The following CDK8 variants were observed in gnomAD, a reference collection of about 807,000 sequenced individuals.
CDK8 encodes the protein cyclin-dependent kinase 8.
Under a neutral mutation model 71.5 loss-of-function variants are expected in CDK8, and 29 were observed. The ratio of observed to expected loss-of-function variants is 0.41; its 90% CI spans 0.30 to 0.55. CDK8 has a LOEUF of 0.55. CDK8 is among the 20% of genes least tolerant of loss of function. The pLI is 0.37. For synonymous variants in CDK8, 161 were observed against 192.1 expected (o/e 0.84, Z 1.34); for missense variants, 288 against 572.6 (o/e 0.50, Z 5.07).
chr13:26,367,483 G>A (rs568505019), intron 4 of CDK8, among the ~76,000 whole-genome samples: 245 of 152,028 alleles, frequency 1.6e-3, no homozygotes, highest in African/African-American at 5.7e-3. Context: ...CCACTTAATT[G>A]TGTTACCATG....
intron 2 of CDK8, 75 bp from the exon 3 acceptor site, chr13:26,348,997 G>A: frequency 2.2e-6 from 2 of 890,140 alleles, no homozygotes; most frequent in South Asian, 2.7e-5. Flanking sequence ...TATTGCCTTT[G>A]AATTACAAAT....
chr13:26,382,416 G>C (rs1291479533), intron 4 of CDK8, among the ~76,000 whole-genome samples: 2 of 152,132 alleles, frequency 1.3e-5, no homozygotes, highest in South Asian at 2.1e-4. Flanking sequence ...GTGATTCCTT[G>C]CCTATAATTA....
intron 1 of CDK8, among the ~76,000 whole-genome samples, chr13:26,310,594 A>G (rs1247835905): frequency 6.6e-6 from 1 of 152,140 alleles, no homozygotes; most frequent in Non-Finnish European, 1.5e-5. Context: ...TTCTCCTATG[A>G]GAATCTAATG....
intron 4 of CDK8, among the ~76,000 whole-genome samples, chr13:26,354,714 C>T (rs887692436): frequency 3.9e-5 from 6 of 152,174 alleles, no homozygotes; most frequent in African/African-American, 7.2e-5. Flanking sequence ...TGAGGTGGTA[C>T]AGTTTCATAC....
intron 1 of CDK8, among the ~76,000 whole-genome samples, chr13:26,283,896 CAAA>C (rs752553551): frequency 1.1e-5 from 1 of 89,456 alleles, no homozygotes. Context: ...GACTCCATCT[CAAA>C]AAAAAAAAAA....
chr13:26,368,824 G>A (rs191392784), intron 4 of CDK8, among the ~76,000 whole-genome samples: 1 of 151,940 alleles, frequency 6.6e-6, no homozygotes, highest in Non-Finnish European at 1.5e-5. Context: ...GCGTCTTCTG[G>A]GATGATCATA....
At chr13:26,293,097 A>G (rs1873376064) in intron 1 of CDK8, among the ~76,000 whole-genome samples, 1 of 152,122 alleles carries the variant, frequency 6.6e-6, no homozygotes, top group African/African-American at 2.4e-5. Context: ...GGGAAATGCT[A>G]TTATTTGATA....
intron 2 of CDK8, among the ~76,000 whole-genome samples, chr13:26,348,489 G>T: frequency 6.6e-6 from 1 of 152,112 alleles, no homozygotes; most frequent in East Asian, 1.9e-4. Context: ...TGCTCCTTAT[G>T]AGAATCTAAT....
At chr13:26,346,180 C>T (rs1007238206) in intron 2 of CDK8, among the ~76,000 whole-genome samples, 3 of 152,118 alleles carry the variant, frequency 2.0e-5, no homozygotes, top group African/African-American at 4.8e-5. Context: ...CCCCTGTTTT[C>T]TCGTTTGTAA....
intron 2 of CDK8, among the ~76,000 whole-genome samples, chr13:26,342,266 C>G (rs554969121): frequency 1.3e-5 from 2 of 152,290 alleles, no homozygotes; most frequent in South Asian, 4.1e-4. Flanking sequence ...GTAACTTCTA[C>G]AGTATTAAAA....
chr13:26,304,916 C>A (rs954843104), intron 1 of CDK8, among the ~76,000 whole-genome samples: 7 of 152,238 alleles, frequency 4.6e-5, no homozygotes, highest in Non-Finnish European at 1.0e-4. Context: ...GATCCCCCTG[C>A]CTCAGCCTCC....
Position 26,260,574 on chromosome 13 carries a change from T to G in CDK8, c.128+5805T>G, listed in dbSNP as rs543743502. Among the ~76,000 whole-genome samples the G allele has an allele frequency of 6.6e-5, 10 of 152,268 alleles. No individual in the cohort carries two copies. The South Asian group carries it at 1.9e-3, about 28-fold the overall frequency. On this transcript the variant is annotated intron_variant, in intron 1 of 12. Transcript: ENST00000381527. ...ACAAATTGGAAGGGGAAAGAAGTTC[T>G]TTTGCTACTTAGAGTTTAGGAAGTA...
At chr13:26,269,225 T>G (rs1469807829) in intron 1 of CDK8, among the ~76,000 whole-genome samples, 1 of 152,256 alleles carries the variant, frequency 6.6e-6, no homozygotes, top group Non-Finnish European at 1.5e-5. Flanking sequence ...TAAACATAAT[T>G]CTTGATAGTA....
chr13:26,351,133 C>T (rs1416673409), intron 3 of CDK8, among the ~76,000 whole-genome samples: 1 of 152,100 alleles, frequency 6.6e-6, no homozygotes, highest in Admixed American at 6.5e-5. Flanking sequence ...AACTAAACAT[C>T]TAACATTACC....
rs80234314 is a variant in CDK8, at chr13:26,276,439, T to G, written c.128+21670T>G. Among the ~76,000 whole-genome samples the G allele has an allele frequency of 4.3e-4, 66 of 152,370 alleles. No homozygotes were observed. The East Asian group carries it at 0.013, about 29-fold the overall frequency. On this transcript the variant is annotated intron_variant, in intron 1 of 12. Coordinates refer to ENST00000381527, the MANE Select transcript of CDK8 (RefSeq NM_001260.3). ...CAGTTCATTCAGTCTCTCTGAGCAC[T>G]TCTGATTTTTCATCTGTCAAATGAA...
intron 2 of CDK8, 106 bp from the exon 3 acceptor site, chr13:26,348,966 G>A (rs1873578172): frequency 1.3e-6 from 1 of 747,198 alleles, no homozygotes. Context: ...AGATGTTTAA[G>A]ATTGTTTACC....
Position 26,290,623 on chromosome 13 carries a change from T to G in CDK8, c.128+35854T>G, listed in dbSNP as rs544933103. On this transcript the variant is annotated intron_variant, in intron 1 of 12. Transcript: ENST00000381527. ...TTCCTATGAATAGATTTCTTGAAGG[T>G]TACTTTAAATCTCTTTTTGCTTTCT... Among the ~76,000 whole-genome samples the G allele has an allele frequency of 1.5e-3, 226 of 152,298 alleles. 1 individual carries two copies. In the Middle Eastern group the frequency reaches 0.02, roughly 14 times the overall value.
chr13:26,259,571 T>A (rs561394317), intron 1 of CDK8, among the ~76,000 whole-genome samples: 54 of 152,192 alleles, frequency 3.5e-4, no homozygotes, highest in Non-Finnish European at 1.0e-4. Context: ...GAGGGATGAC[T>A]GTATTTGCTG....
chr13:26,341,481 G>A (rs972579738), intron 2 of CDK8, among the ~76,000 whole-genome samples: 2 of 152,092 alleles, frequency 1.3e-5, no homozygotes, highest in Admixed American at 1.3e-4. Flanking sequence ...GGTTTCACAG[G>A]TTTAAATATA....
Sources: allele counts gnomAD v4.1 joint callset (sites outside exome capture counted in the v4.1 genomes callset), GRCh38; gene constraint gnomAD v4.1.1; transcripts MANE v1.5; gene names NCBI Gene and HGNC (gene_info 2026-07-23, HGNC 2026-07-21).